The following ENTREP2 variants were observed in gnomAD, a reference collection of about 807,000 sequenced individuals.
ENTREP2 encodes endosomal transmembrane epsin interactor 2.
chr15:29,601,423 C>T, the ENTREP2 span, among the ~76,000 whole-genome samples: 1,623 of 150,708 alleles, frequency 0.011, 25 homozygotes, highest in African/African-American at 0.037. Context: ...AAGTGTTTCC[C>T]CACCACCACC....
the ENTREP2 span, among the ~76,000 whole-genome samples, chr15:29,423,606 T>C: frequency 1.4e-5 from 2 of 144,098 alleles, no homozygotes; most frequent in Admixed American, 7.1e-5. Context: ...GCTACCACAG[T>C]GAAACCCCAT....
At chr15:29,137,122 G>A in the ENTREP2 span, 1 of 1,473,592 alleles carries the variant, frequency 6.8e-7, no homozygotes, top group Non-Finnish European at 8.9e-7. Flanking sequence ...TCGAAATCCA[G>A]GGTCTGGTGG....
the ENTREP2 span, among the ~76,000 whole-genome samples, chr15:29,442,801 G>T: frequency 6.6e-6 from 1 of 152,324 alleles, no homozygotes; most frequent in South Asian, 2.1e-4. Flanking sequence ...AAGGCTGTTT[G>T]CACTTGTCAG....
the ENTREP2 span, among the ~76,000 whole-genome samples, chr15:29,295,820 C>T: frequency 4.6e-5 from 7 of 152,222 alleles, no homozygotes; most frequent in South Asian, 2.1e-4. Flanking sequence ...TTTTATCCTG[C>T]GACTCAGAAC....
At chr15:29,258,007 C>A in the ENTREP2 span, among the ~76,000 whole-genome samples, 2 of 151,740 alleles carry the variant, frequency 1.3e-5, no homozygotes, top group African/African-American at 4.8e-5. Context: ...GTCAGGAGAT[C>A]GAGACCATCC....
At chr15:29,431,825 A>G in the ENTREP2 span, among the ~76,000 whole-genome samples, 1,845 of 152,298 alleles carry the variant, frequency 0.012, 33 homozygotes, top group African/African-American at 0.042. Flanking sequence ...CAGAGAGATC[A>G]ATCCATTTGC....
the ENTREP2 span, among the ~76,000 whole-genome samples, chr15:29,350,960 A>G: frequency 6.6e-6 from 1 of 152,146 alleles, no homozygotes; most frequent in Non-Finnish European, 1.5e-5. Flanking sequence ...ATAAATATAT[A>G]TATAATACAC....
the ENTREP2 span, among the ~76,000 whole-genome samples, chr15:29,623,918 T>G: frequency 6.6e-6 from 1 of 152,142 alleles, no homozygotes; most frequent in Non-Finnish European, 1.5e-5. Flanking sequence ...GTATTTTTAG[T>G]AGAGACGGTT....
the ENTREP2 span, among the ~76,000 whole-genome samples, chr15:29,665,925 C>A: frequency 6.8e-6 from 1 of 146,894 alleles, no homozygotes; most frequent in Non-Finnish European, 1.5e-5. Context: ...GCGATCTTGG[C>A]TCACTACAAC....
At chr15:29,128,943 T>TA in the ENTREP2 span, 2 of 904,158 alleles carry the variant, frequency 2.2e-6, no homozygotes, top group African/African-American at 3.4e-5. Context: ...TGTAGGCGCT[T>TA]AAACTTGTCT....
the ENTREP2 span, among the ~76,000 whole-genome samples, chr15:29,528,040 A>G: frequency 6.6e-6 from 1 of 152,104 alleles, no homozygotes; most frequent in South Asian, 2.1e-4. Flanking sequence ...ACACTCACTG[A>G]GCTCCCCTAC....
chr15:29,270,578 T>G, the ENTREP2 span, among the ~76,000 whole-genome samples: 40 of 152,334 alleles, frequency 2.6e-4, no homozygotes, highest in African/African-American at 9.6e-4. Flanking sequence ...CTACTTAATT[T>G]GGGGCATCAC....
At chr15:29,261,169 G>T in the ENTREP2 span, among the ~76,000 whole-genome samples, 1 of 152,144 alleles carries the variant, frequency 6.6e-6, no homozygotes, top group Non-Finnish European at 1.5e-5. Context: ...GTGGTAAGGA[G>T]CTCAAGACCA....
chr15:29,546,895 AAAC>A, the ENTREP2 span, among the ~76,000 whole-genome samples: 12 of 52,568 alleles, frequency 2.3e-4, 1 homozygote, highest in Middle Eastern at 7.0e-3. Context: ...TCAAAAAAAA[AAAC>A]AACAACAAAA....
chr15:29,649,009 A>G, the ENTREP2 span, among the ~76,000 whole-genome samples: 1 of 151,916 alleles, frequency 6.6e-6, no homozygotes, highest in South Asian at 2.1e-4. Context: ...CATCTCAAAT[A>G]GTAGAACTAG....
chr15:29,305,753 T>A, the ENTREP2 span, among the ~76,000 whole-genome samples: 1 of 152,148 alleles, frequency 6.6e-6, no homozygotes, highest in Non-Finnish European at 1.5e-5. Context: ...CTACCAGACA[T>A]CCATATGGAG....
chr15:29,512,993 TC>T, the ENTREP2 span, among the ~76,000 whole-genome samples: 1 of 152,242 alleles, frequency 6.6e-6, no homozygotes, highest in African/African-American at 2.4e-5. Context: ...AAGGATTCTT[TC>T]TTTTCTCTGA....
At chr15:29,350,720 A>C in the ENTREP2 span, among the ~76,000 whole-genome samples, 18 of 152,174 alleles carry the variant, frequency 1.2e-4, no homozygotes, top group Non-Finnish European at 1.5e-5. Context: ...AGTTGGGTGG[A>C]TTACCTGAGG....
the ENTREP2 span, among the ~76,000 whole-genome samples, chr15:29,283,124 C>G: frequency 6.6e-6 from 1 of 152,160 alleles, no homozygotes; most frequent in Non-Finnish European, 1.5e-5. Flanking sequence ...AAGCAGCTAT[C>G]CCAGGCCAGA....
Sources: gnomAD v4.1 joint callset for allele counts (sites outside exome capture counted in the v4.1 genomes callset) on GRCh38, gnomAD v4.1.1 for gene constraint, MANE v1.5 for transcripts, NCBI Gene and HGNC (gene_info 2026-07-23, HGNC 2026-07-21) for gene names.